The following OR5V1 variants were observed in gnomAD, a reference collection of about 807,000 sequenced individuals.
The protein encoded by OR5V1 is olfactory receptor 5V1.
For synonymous variants in OR5V1, 134 were observed against 143.2 expected (o/e 0.94, Z 0.46); for missense variants, 365 against 371.5 (o/e 0.98, Z 0.14).
Position 29,355,634 on chromosome 6 carries a change from A to G in OR5V1, c.562T>C (p.Ser188Pro). ...TCATTGACAGAAGTGTTTCCACAAG[A>G]CAAGATCAGCAAAGGGGGGATGTCA... ...FCDIPPLLIL[S>P]CGNTSVNELA... The change falls in exon 2 of 2, where the codon TCT becomes CCT. Residue 188 changes from serine (S) to proline (P), a missense_variant. Transcript: ENST00000641768. The G allele has an allele frequency of 6.2e-7, 1 of 1,614,036 alleles. No homozygotes were observed. Among genetic ancestry groups the G allele is most frequent in the Non-Finnish European group, 8.5e-7 (1 of 1,179,942 alleles).
chr6:29,360,849 A>G (rs1231757132), intron 1 of OR5V1, among the ~76,000 whole-genome samples: 1 of 152,208 alleles, frequency 6.6e-6, no homozygotes, highest in African/African-American at 2.4e-5. Context: ...TGAAAATTCC[A>G]AAAACATTCT....
intron 1 of OR5V1, among the ~76,000 whole-genome samples, chr6:29,367,917 A>G (rs1262072178): frequency 1.3e-5 from 2 of 152,142 alleles, no homozygotes; most frequent in Non-Finnish European, 2.9e-5. Context: ...CAACTGAGAA[A>G]ATGTTTTCAG....
At position 29,354,106 on chromosome 6, in the gene OR5V1, G is replaced by A. The variant is rs1028167018; in HGVS notation, c.*1124C>T. 6 of 151,984 alleles carry A rather than the reference G, an allele frequency of 3.9e-5. No homozygotes were observed. The highest frequency in any genetic ancestry group is 7.4e-5 in the Non-Finnish European group (5 of 67,946). 9.4% of individuals were successfully genotyped at this position (151,984 alleles called of 1,614,324 possible). ...GTAGGTATGGGAAGAAAAAGAAGAC[G>A]GTCCTGAGAGAATAGTGAAGAAAGA... On this transcript the variant is annotated 3_prime_UTR_variant, in exon 2 of 2. Coordinates refer to ENST00000641768, the MANE Select transcript of OR5V1 (RefSeq NM_030876.6).
chr6:29,366,303 C>G (rs1778851129), intron 1 of OR5V1, among the ~76,000 whole-genome samples: 1 of 139,770 alleles, frequency 7.2e-6, no homozygotes, highest in Admixed American at 7.7e-5. Flanking sequence ...ATATGTATCC[C>G]TGAACTTAAA....
rs1481469240 is a variant in OR5V1 at position 29,364,722 on chromosome 6, C to T, written c.-83+3910G>A. ...CTGAGGCAGGAGAATGGCGTGAACC[C>T]GGGAGGCGGAGCTTGCAGTGAGCCG... On this transcript the variant is annotated intron_variant, in intron 1 of 1. Transcript: ENST00000641768. 5.1e-5 allele frequency among the ~76,000 whole-genome samples: 2 copies of T among 39,150 alleles called. 1 individual carries two copies. Among genetic ancestry groups the T allele is most frequent in the African/African-American group, 1.3e-4 (2 of 15,148 alleles). 25.7% of individuals were successfully genotyped at this position (39,150 alleles called of 152,430 possible). A position where few individuals can be genotyped will look rare whatever the true frequency, so the allele number is the denominator to read the frequency against.
In OR5V1 at chr6:29,355,731, G is replaced by C. The variant is rs768437138; in HGVS notation, c.465C>G (p.Asn155Lys). The C allele has an allele frequency of 1.2e-6, 2 of 1,614,038 alleles. No homozygotes were observed. ...AASCWAAGFL[N>K]SVVHTVLTFC... The stretch of plus-strand genomic sequence containing the variant: ...ATGTCAACACTGTATGCACCACTGA[G>C]TTAAGGAAACCAGCAGCCCAGCATG... The change falls in exon 2 of 2, where the codon AAC becomes AAG. Residue 155 changes from asparagine to lysine, a missense_variant. Physicochemically the swap from Asn to Lys is moderately conservative, Grantham distance 94 (BLOSUM62 0). Transcript: ENST00000641768.
intron 1 of OR5V1, among the ~76,000 whole-genome samples, chr6:29,361,776 A>G (rs1264916266): frequency 2.0e-5 from 3 of 151,842 alleles, no homozygotes; most frequent in Non-Finnish European, 4.4e-5. Context: ...AAGAGCTCCT[A>G]AAGGAAGCAC....
In OR5V1 at chr6:29,360,229, G is replaced by A. The variant is rs1216332643; in HGVS notation, c.-82-3952C>T. ...GCTTCTCTAGATTCCTCCTCACTGG[G>A]GAGGGCATCTCTGAAAGAAAGGCAG... On this transcript the variant is annotated intron_variant, in intron 1 of 1. Coordinates refer to ENST00000641768, the MANE Select transcript of OR5V1 (RefSeq NM_030876.6). Among the ~76,000 whole-genome samples, 3 of 152,186 alleles carry A rather than the reference G, an allele frequency of 2.0e-5. No individual in the cohort carries two copies. In the East Asian group the frequency reaches 5.8e-4, roughly 29 times the overall value.
intron 1 of OR5V1, among the ~76,000 whole-genome samples, chr6:29,365,576 T>C (rs1198656748): frequency 6.6e-6 from 1 of 152,112 alleles, no homozygotes; most frequent in African/African-American, 2.4e-5. Context: ...TGGGTCATTA[T>C]AGAAATGCAA....
intron 1 of OR5V1, among the ~76,000 whole-genome samples, chr6:29,362,496 A>G (rs146464979): frequency 4.5e-4 from 68 of 152,320 alleles, no homozygotes; most frequent in Admixed American, 4.2e-3. Flanking sequence ...TCTTCTCAGC[A>G]CCACATAGCA....
chr6:29,356,453 T>G (rs887496667), intron 1 of OR5V1, among the ~76,000 whole-genome samples, 176 bp from the exon 2 acceptor site: 3 of 152,144 alleles, frequency 2.0e-5, no homozygotes, highest in Non-Finnish European at 2.9e-5. Flanking sequence ...ACTGGAAGTT[T>G]TAAATTAGAA....
rs576531925 is a variant in OR5V1, at chr6:29,363,088, TA to T, written c.-83+5543del. Among the ~76,000 whole-genome samples, 187 of 152,042 alleles carry T rather than the reference TA, an allele frequency of 1.2e-3. 1 individual carries two copies. The highest frequency in any genetic ancestry group is 2.0e-3 in the Non-Finnish European group (139 of 67,984). On this transcript the variant is annotated intron_variant, in intron 1 of 1. Coordinates refer to ENST00000641768, the MANE Select transcript of OR5V1 (RefSeq NM_030876.6). Reference sequence around the variant, plus strand: ...AAGAAGAAAAGAGAGAAGAATCAAATAGACACAATAAAAAATGGTAAAGGAG... The same window carrying T: ...AAGAAGAAAAGAGAGAAGAATCAAATGACACAATAAAAAATGGTAAAGGAG...
intron 1 of OR5V1, among the ~76,000 whole-genome samples, chr6:29,364,515 T>TA (rs1395557211): frequency 1.6e-4 from 14 of 86,998 alleles, no homozygotes; most frequent in African/African-American, 4.6e-4. Flanking sequence ...AGAACAAAGC[T>TA]GGGCCGGGCG....
intron 1 of OR5V1, among the ~76,000 whole-genome samples, chr6:29,364,160 C>G (rs924849226): frequency 3.9e-5 from 6 of 151,926 alleles, no homozygotes; most frequent in Non-Finnish European, 7.4e-5. Context: ...AATAGACAAG[C>G]AGAAAGCTGA....
At chr6:29,359,717 G>A (rs1421529169) in intron 1 of OR5V1, among the ~76,000 whole-genome samples, 2 of 152,164 alleles carry the variant, frequency 1.3e-5, no homozygotes. Flanking sequence ...CCAGCCAAGG[G>A]AAGCTGTGAG....
intron 1 of OR5V1, among the ~76,000 whole-genome samples, chr6:29,366,904 A>T (rs1395303467): frequency 6.6e-6 from 1 of 152,144 alleles, no homozygotes; most frequent in Non-Finnish European, 1.5e-5. Context: ...AAGAGAAGGA[A>T]TTACTTTCTC....
chr6:29,366,948 C>G (rs1438782133), intron 1 of OR5V1, among the ~76,000 whole-genome samples: 1 of 152,146 alleles, frequency 6.6e-6, no homozygotes, highest in East Asian at 1.9e-4. Context: ...TTTTGTTACC[C>G]AAGTCCTCTA....
At chr6:29,363,338 C>T (rs1473548806) in intron 1 of OR5V1, among the ~76,000 whole-genome samples, 1 of 152,130 alleles carries the variant, frequency 6.6e-6, no homozygotes, top group Non-Finnish European at 1.5e-5. Flanking sequence ...TCTCCAGGAT[C>T]TGATGGATTC....
chr6:29,356,219 G>A lies in OR5V1; in HGVS notation c.-24C>T, dbSNP rs779569407. On this transcript the variant is annotated 5_prime_UTR_variant, in exon 2 of 2. Transcript: ENST00000641768. ...ATGATGTCGCCTGGTTTCCTTTCAG[G>A]AATTGGGCAAAGAGAAGACCAGATT... 6.5e-7 allele frequency: 1 copy of A among 1,539,956 alleles called. No individual in the cohort carries two copies. The highest frequency in any genetic ancestry group is 2.2e-5 in the Admixed American group (1 of 46,464).
Sources: gnomAD v4.1 joint callset for allele counts (sites outside exome capture counted in the v4.1 genomes callset) on GRCh38, gnomAD v4.1.1 for gene constraint, MANE v1.5 for transcripts, NCBI Gene and HGNC (gene_info 2026-07-23, HGNC 2026-07-21) for gene names.